The following TCF12 variants were observed in gnomAD, a reference collection of about 807,000 sequenced individuals.
The protein encoded by TCF12 is DNA-binding protein HTF4.
TCF12 carries 45 observed loss-of-function variants against 86.0 expected under a neutral mutation model. The ratio of observed to expected loss-of-function variants is 0.52; its 90% CI spans 0.41 to 0.67. The LOEUF is 0.67. Ranked by LOEUF, TCF12 falls within the 30% of genes least tolerant of loss-of-function variation. TCF12 has a pLI of 0.00. For synonymous variants in TCF12, 330 were observed against 299.6 expected (o/e 1.10, Z -1.05); for missense variants, 881 against 859.9 (o/e 1.02, Z -0.31).
intron 3 of TCF12, among the ~76,000 whole-genome samples, chr15:57,004,534 G>C (rs1421793498): frequency 2.0e-5 from 3 of 152,102 alleles, no homozygotes; most frequent in African/African-American, 4.8e-5. Context: ...TCAGCCTCCT[G>C]AGTAGCTGGG....
intron 3 of TCF12, among the ~76,000 whole-genome samples, chr15:56,965,737 T>C (rs564139413): frequency 1.0e-3 from 158 of 152,256 alleles, no homozygotes; most frequent in African/African-American, 3.8e-3. Flanking sequence ...GATAAAACTT[T>C]AGGGATATTC....
chr15:57,180,945 G>C (rs1251968558), intron 6 of TCF12, among the ~76,000 whole-genome samples: 1 of 150,582 alleles, frequency 6.6e-6, no homozygotes, highest in Non-Finnish European at 1.5e-5. Context: ...CTCCTGAGTG[G>C]CTGGGACTAC....
intron 5 of TCF12, among the ~76,000 whole-genome samples, chr15:57,125,037 C>T (rs1039459872): frequency 3.3e-5 from 5 of 152,248 alleles, no homozygotes; most frequent in Middle Eastern, 3.4e-3. Context: ...CCGCGACCGC[C>T]GTTATGTCTA....
intron 3 of TCF12, among the ~76,000 whole-genome samples, chr15:56,951,799 G>A (rs192049617): frequency 6.6e-6 from 1 of 152,148 alleles, no homozygotes; most frequent in East Asian, 1.9e-4. Flanking sequence ...ACAGGAATGA[G>A]CCTGGCTAAT....
At chr15:57,064,285 C>G (rs1301917289) in intron 4 of TCF12, among the ~76,000 whole-genome samples, 1 of 152,150 alleles carries the variant, frequency 6.6e-6, no homozygotes, top group African/African-American at 2.4e-5. Context: ...GATGACATTT[C>G]TTAGTTAACA....
intron 5 of TCF12, among the ~76,000 whole-genome samples, chr15:57,101,971 T>C (rs1377435107): frequency 6.6e-6 from 1 of 152,196 alleles, no homozygotes; most frequent in Admixed American, 6.5e-5. Context: ...AAGAGCCAGA[T>C]AGTAAATAGT....
chr15:56,940,462 T>C (rs2060683554), intron 3 of TCF12, among the ~76,000 whole-genome samples: 1 of 151,770 alleles, frequency 6.6e-6, no homozygotes, highest in South Asian at 2.1e-4. Context: ...TTCTTTCTTC[T>C]TCCTCTTCTT....
At chr15:57,010,816 C>A (rs1467553878) in intron 3 of TCF12, among the ~76,000 whole-genome samples, 1 of 152,106 alleles carries the variant, frequency 6.6e-6, no homozygotes, top group Non-Finnish European at 1.5e-5. Flanking sequence ...ACCATTCTTT[C>A]AGGAGGGTAA....
chr15:57,237,374 C>T (rs1184288704), intron 12 of TCF12, among the ~76,000 whole-genome samples: 1 of 152,136 alleles, frequency 6.6e-6, no homozygotes, highest in Non-Finnish European at 1.5e-5. Flanking sequence ...CGGGGTTGGG[C>T]TTGGGAGCAG....
chr15:57,203,385 A>C (rs762080264), intron 8 of TCF12, among the ~76,000 whole-genome samples: 1 of 152,176 alleles, frequency 6.6e-6, no homozygotes, highest in Non-Finnish European at 1.5e-5. Context: ...ATTTCCAAAC[A>C]TAGATCATTT....
intron 8 of TCF12, among the ~76,000 whole-genome samples, chr15:57,203,500 C>T (rs1477223992): frequency 6.6e-6 from 1 of 152,156 alleles, no homozygotes; most frequent in Admixed American, 6.5e-5. Context: ...CCTTCCTAGA[C>T]CCAAATACCT....
rs2062036391 is a variant in TCF12 at position 57,289,568 on chromosome 15, T to C, written c.*3423T>C. On this transcript the variant is annotated 3_prime_UTR_variant, in exon 21 of 21. Coordinates refer to ENST00000333725, the MANE Select transcript of TCF12 (RefSeq NM_207037.2). ...TTTCTTTTCTATAGTTCATGTTTTC[T>C]TTTTCCTTGGAAACTCAAAATTTAA... is the stretch of plus-strand genomic sequence containing the variant. 1.3e-5 allele frequency: 2 copies of C among 151,720 alleles called. No homozygotes were observed. Among genetic ancestry groups the C allele is most frequent in the African/African-American group, 4.9e-5 (2 of 41,112 alleles). The allele number at this position is 151,720 out of a possible 1,614,324, so 9.4% of individuals were successfully genotyped here. A position where few individuals can be genotyped will look rare whatever the true frequency, so the allele number is the denominator to read the frequency against.
At chr15:56,919,688 G>GTATCATTAA in intron 1 of TCF12, 1 of 404,812 alleles carries the variant, frequency 2.5e-6, no homozygotes, top group Non-Finnish European at 4.5e-6. Flanking sequence ...GGGCCGCGGC[G>GTATCATTAA]AGGAACGCGT....
intron 8 of TCF12, among the ~76,000 whole-genome samples, chr15:57,222,733 GT>G (rs1301209495): frequency 1.1e-3 from 126 of 113,792 alleles, no homozygotes; most frequent in African/African-American, 4.1e-3. Flanking sequence ...GGAAAGAAAA[GT>G]TTTGGGGGAA....
chr15:57,236,636 C>G (rs188162616), intron 12 of TCF12, among the ~76,000 whole-genome samples: 1 of 152,184 alleles, frequency 6.6e-6, no homozygotes, highest in East Asian at 1.9e-4. Flanking sequence ...CTTTGTTCTT[C>G]AGTTTAGGTA....
intron 4 of TCF12, among the ~76,000 whole-genome samples, chr15:57,082,721 T>G (rs1196556564): frequency 1.3e-5 from 2 of 152,182 alleles, no homozygotes; most frequent in Non-Finnish European, 2.9e-5. Context: ...CCCTAAATGA[T>G]AACATATTTC....
chr15:57,259,438 T>G (rs1175908772), intron 16 of TCF12, among the ~76,000 whole-genome samples: 2 of 152,360 alleles, frequency 1.3e-5, no homozygotes, highest in East Asian at 3.9e-4. Context: ...AGTTTGTCCC[T>G]CAATTCACAA....
chr15:57,082,251 A>G (rs545957364), intron 4 of TCF12, among the ~76,000 whole-genome samples: 7 of 152,320 alleles, frequency 4.6e-5, no homozygotes, highest in Non-Finnish European at 1.0e-4. Flanking sequence ...TATTACGGCC[A>G]TGGGTCAGAT....
At chr15:57,200,679 G>A (rs1405398518) in intron 8 of TCF12, among the ~76,000 whole-genome samples, 10 of 152,148 alleles carry the variant, frequency 6.6e-5, no homozygotes, top group African/African-American at 9.7e-5. Context: ...AGCATGCAAA[G>A]CATTGATAAT....
Sources: allele counts gnomAD v4.1 joint callset (sites outside exome capture counted in the v4.1 genomes callset), GRCh38; gene constraint gnomAD v4.1.1; transcripts MANE v1.5; gene names NCBI Gene and HGNC (gene_info 2026-07-23, HGNC 2026-07-21).